The following C2CD3 variants were observed in gnomAD, a reference collection of about 807,000 sequenced individuals.
C2CD3 encodes C2 domain-containing protein 3.
In C2CD3, 148 loss-of-function variants were observed where a neutral mutation model predicts 234.0. That is an observed-to-expected ratio of 0.63 (90% CI 0.55 to 0.72). C2CD3 has a LOEUF of 0.72. Ranked by LOEUF, C2CD3 falls within the 30% of genes least tolerant of loss-of-function variation. The probability of loss-of-function intolerance (pLI) is 0.00; values close to 1 mark genes in which losing one functional copy is unlikely to be tolerated. For synonymous variants in C2CD3, 1,000 were observed against 1,035.4 expected (o/e 0.97, Z 0.66); for missense variants, 2,577 against 2,811.5 (o/e 0.92, Z 1.89).
chr11:74,142,724 C>T (rs1407529456), intron 3 of C2CD3, among the ~76,000 whole-genome samples: 2 of 152,084 alleles, frequency 1.3e-5, no homozygotes, highest in Non-Finnish European at 2.9e-5. Context: ...AAGTATTGGT[C>T]AAACTTTGAC....
At position 74,093,853 on chromosome 11, in the gene C2CD3, C is replaced by T. The variant is rs138377668; in HGVS notation, c.3307G>A (p.Val1103Met). ...LLSAFSAQGL[V>M]PGGGVQFEIW... ...TCAAACTGGACTCCACCTCCAGGCA[C>T]GAGGCCCTGTGCAGAGAAAGCACTT... is the stretch of plus-strand genomic sequence containing the variant. Residue 1103 changes from valine (V) to methionine (M), a missense_variant, in exon 18 of 33, where the codon GTG becomes ATG. By Grantham distance (21) the Val-to-Met change is conservative (BLOSUM62 1). Coordinates refer to ENST00000334126, the MANE Select transcript of C2CD3 (RefSeq NM_001286577.2). 114 of 1,613,876 alleles carry T rather than the reference C, an allele frequency of 7.1e-5. No individual in the cohort carries two copies. Among genetic ancestry groups the T allele is most frequent in the East Asian group, 2.0e-4 (9 of 44,886 alleles).
chr11:74,037,485 T>A lies in C2CD3; in HGVS notation c.5874A>T (p.Leu1958Phe). ...SSNLVLQVSS[L>F]ITDLQTITRD... ...AAAGGATCTGAGTCATACCTGTGATTAAGGAGCTGACTTGCAACACCAGGT... is the reference window on the plus strand; with the variant it reads ...AAAGGATCTGAGTCATACCTGTGATAAAGGAGCTGACTTGCAACACCAGGT... Residue 1958 changes from leucine to phenylalanine, a missense_variant, in exon 30 of 33, where the codon TTA (leucine) becomes TTT (phenylalanine). Physicochemically the swap from Leu to Phe is conservative, Grantham distance 22. Coordinates refer to ENST00000334126, the MANE Select transcript of C2CD3 (RefSeq NM_001286577.2). 6.2e-7 allele frequency: 1 copy of A among 1,612,662 alleles called. No individual in the cohort carries two copies. The highest frequency in any genetic ancestry group is 8.5e-7 in the Non-Finnish European group (1 of 1,178,742).
chr11:74,019,052 C>G (rs992472132), intron 32 of C2CD3, among the ~76,000 whole-genome samples: 1 of 151,978 alleles, frequency 6.6e-6, no homozygotes, highest in East Asian at 1.9e-4. Context: ...CTCCTCAACC[C>G]TTTTTTTTGT....
chr11:74,097,110 T>C lies in C2CD3; in HGVS notation c.2979+899A>G, dbSNP rs370896365. On this transcript the variant is annotated intron_variant, in intron 16 of 32. Coordinates refer to ENST00000334126, the MANE Select transcript of C2CD3 (RefSeq NM_001286577.2). ...GTTGTAGTGAGCTGAGATGGCACCA[T>C]TGCACTCCAGCCTGGGCAACAGAGC... Among the ~76,000 whole-genome samples, 17 of 150,602 alleles carry C rather than the reference T, an allele frequency of 1.1e-4. 1 individual carries two copies. In the East Asian group the frequency reaches 2.2e-3, roughly 19 times the overall value.
intron 24 of C2CD3, chr11:74,070,811 C>T (rs1361619778): frequency 6.6e-6 from 1 of 152,204 alleles, no homozygotes. Flanking sequence ...CATTTAATGA[C>T]CTTTTTTTGG....
In C2CD3 at chr11:74,013,343, G is replaced by A; in HGVS notation, c.*42C>T. On this transcript the variant is annotated 3_prime_UTR_variant, in exon 33 of 33. Coordinates refer to ENST00000334126, the MANE Select transcript of C2CD3 (RefSeq NM_001286577.2). The stretch of plus-strand genomic sequence containing the variant: ...CTGCAAGCTGGACAAAGCTGACGGA[G>A]GGTGGGCAGGTGTCTCCTTCCCCCC... 1 of 613,298 alleles carries A rather than the reference G, an allele frequency of 1.6e-6. No homozygotes were observed. Among genetic ancestry groups the A allele is most frequent in the South Asian group, 2.9e-5 (1 of 34,830 alleles). 38.0% of individuals were successfully genotyped at this position (613,298 alleles called of 1,614,324 possible).
At chr11:74,150,522 A>AC (rs1217797296) in intron 3 of C2CD3, among the ~76,000 whole-genome samples, 27 of 63,536 alleles carry the variant, frequency 4.2e-4, no homozygotes, top group Non-Finnish European at 7.6e-4. Context: ...AAAACAAAAA[A>AC]AAAACAAAAC....
intron 24 of C2CD3, among the ~76,000 whole-genome samples, chr11:74,071,153 G>GTGA (rs1290457546): frequency 1.3e-5 from 2 of 152,210 alleles, no homozygotes; most frequent in African/African-American, 4.8e-5. Context: ...TCCCAGCACT[G>GTGA]TGATCTTCAT....
rs1591407432 is a variant in C2CD3 at position 74,078,392 on chromosome 11, A to G, written c.4326T>C (p.Tyr1442=). ...NTYCYLRYKF[Y]DHEAFWTPLK... ...GAGGGGTCCAAAAGGCTTCATGATCATAGAACTTGTAGCGAAGGTAGCAAT... is the reference window on the plus strand; with the variant it reads ...GAGGGGTCCAAAAGGCTTCATGATCGTAGAACTTGTAGCGAAGGTAGCAAT... The change falls in exon 23 of 33, where the codon TAT becomes TAC. Residue 1442 remains tyrosine (Y), a synonymous_variant. Transcript: ENST00000334126. 6.2e-7 allele frequency: 1 copy of G among 1,614,162 alleles called. No individual in the cohort carries two copies. Among genetic ancestry groups the G allele is most frequent in the Non-Finnish European group, 8.5e-7 (1 of 1,180,030 alleles).
intron 5 of C2CD3, among the ~76,000 whole-genome samples, chr11:74,136,057 C>G (rs1417313549): frequency 1.3e-5 from 2 of 151,680 alleles, no homozygotes; most frequent in Non-Finnish European, 2.9e-5. Flanking sequence ...CCCCAATTCT[C>G]AGCATCATGC....
intron 27 of C2CD3, 41 bp downstream of exon 27, chr11:74,049,296 T>C (rs1240618783): frequency 5.9e-6 from 9 of 1,528,392 alleles, no homozygotes; most frequent in Non-Finnish European, 7.3e-6. Context: ...TATAGGTCAG[T>C]ACAATTCGTA....
In C2CD3 at chr11:74,168,614, C is replaced by G; in HGVS notation, c.56-1G>C. ...GTAGATGGAGAAATGTCACTTAAACCTGTAGAGGAATCCAAGAAAACTGAG... is the reference window on the plus strand; with the variant it reads ...GTAGATGGAGAAATGTCACTTAAACGTGTAGAGGAATCCAAGAAAACTGAG... On this transcript the variant is annotated splice_acceptor_variant, in intron 1 of 32. Coordinates refer to ENST00000334126, the MANE Select transcript of C2CD3 (RefSeq NM_001286577.2). LOFTEE classifies it high-confidence loss of function. 6.2e-7 allele frequency: 1 copy of G among 1,609,062 alleles called. No homozygotes were observed.
At chr11:74,026,319 AAAC>A (rs2135406581) in intron 32 of C2CD3, among the ~76,000 whole-genome samples, 1 of 152,224 alleles carries the variant, frequency 6.6e-6, no homozygotes, top group Non-Finnish European at 1.5e-5. Context: ...GGAAAAAAAA[AAAC>A]AACCAACAGA....
chr11:74,034,869 T>C (rs548153212), intron 30 of C2CD3, among the ~76,000 whole-genome samples: 5 of 152,358 alleles, frequency 3.3e-5, no homozygotes, highest in South Asian at 4.1e-4. Flanking sequence ...TCTGAGCCTA[T>C]TGATCTGTAC....
In C2CD3 at chr11:74,037,515, G is replaced by T. The variant is rs1437001379; in HGVS notation, c.5844C>A (p.Ser1948=). ...AGCTGACTTGCAACACCAGGTTACT[G>T]GATTTCTCCAGGATACACTGGCTCC... ...DPGSQCILEK[S]SNLVLQVSSL... Residue 1948 remains serine, a synonymous_variant, in exon 30 of 33, where the codon TCC becomes TCA. Transcript: ENST00000334126. 6.2e-7 allele frequency: 1 copy of T among 1,614,082 alleles called. No individual in the cohort carries two copies. Among genetic ancestry groups the T allele is most frequent in the African/African-American group, 1.3e-5 (1 of 75,032 alleles).
At chr11:74,118,479 A>G (rs112024564) in intron 8 of C2CD3, 97 bp from the exon 9 acceptor site, 34 of 796,046 alleles carry the variant, frequency 4.3e-5, no homozygotes, top group African/African-American at 3.3e-4. Context: ...TTCTCTGTAC[A>G]TACATCATTC....
At chr11:74,167,042 G>C (rs1856857531) in intron 2 of C2CD3, among the ~76,000 whole-genome samples, 1 of 152,090 alleles carries the variant, frequency 6.6e-6, no homozygotes, top group Non-Finnish European at 1.5e-5. Context: ...CAAATATCTA[G>C]AAAATGGAAG....
At chr11:74,107,975 C>T (rs1249611844) in intron 12 of C2CD3, 1 of 151,600 alleles carries the variant, frequency 6.6e-6, no homozygotes, top group Non-Finnish European at 1.5e-5. Context: ...ATGGTGAAAC[C>T]CCGTCTCTAC....
At chr11:74,153,696 A>G (rs990063591) in intron 3 of C2CD3, among the ~76,000 whole-genome samples, 3 of 152,198 alleles carry the variant, frequency 2.0e-5, no homozygotes, top group African/African-American at 4.8e-5. Context: ...GCTGATTCTA[A>G]TATTTATAAG....
Sources: allele counts gnomAD v4.1 joint callset (sites outside exome capture counted in the v4.1 genomes callset), GRCh38; gene constraint gnomAD v4.1.1; transcripts MANE v1.5; gene names NCBI Gene and HGNC (gene_info 2026-07-23, HGNC 2026-07-21).